Variants in GDF5 observed in about 807,000 individuals in gnomAD.
The protein encoded by GDF5 is growth/differentiation factor 5.
Under a neutral mutation model 34.6 loss-of-function variants are expected in GDF5, and 17 were observed. The ratio of observed to expected loss-of-function variants is 0.49; its 90% CI spans 0.34 to 0.74. The LOEUF (loss-of-function observed/expected upper bound fraction) is 0.74, where lower values mean the gene tolerates loss of function less well. Ranked by LOEUF, GDF5 falls within the 30% of genes least tolerant of loss-of-function variation. GDF5 has a pLI of 0.01. For missense variants in GDF5, 616 were observed against 661.2 expected, an observed-to-expected ratio of 0.93 and a Z score of 0.75; for synonymous variants, 332 against 290.7, an observed-to-expected ratio of 1.14 and a Z score of -1.44.
exon 1 of GDF5, chr20:35,454,669 C>T (rs531646550): frequency 6.6e-6 from 1 of 152,374 alleles, no homozygotes; most frequent in South Asian, 2.1e-4. Flanking sequence ...TGAAGCTTCT[C>T]GGAGCGTCTG....
chr20:35,439,031 C>T (rs186040596), upstream of GDF5, among the ~76,000 whole-genome samples: 1 of 152,056 alleles, frequency 6.6e-6, no homozygotes, highest in East Asian at 1.9e-4. Context: ...CTCCCTACCC[C>T]CAAATGCCAT....
At chr20:35,447,868 A>C (rs1240582753) in intron 1 of GDF5, among the ~76,000 whole-genome samples, 1 of 152,092 alleles carries the variant, frequency 6.6e-6, no homozygotes, top group Non-Finnish European at 1.5e-5. Context: ...TAATCCCAGC[A>C]CTTTGGGAGG....
chr20:35,439,515 C>A (rs1036050598), upstream of GDF5, among the ~76,000 whole-genome samples: 4 of 152,296 alleles, frequency 2.6e-5, 1 homozygote, highest in South Asian at 8.3e-4. Context: ...GCGTGAGCCA[C>A]CGCGCCGGGC....
In GDF5 at chr20:35,434,452, G is replaced by A. The variant is rs574958586; in HGVS notation, c.963C>T (p.Ala321=). Residue 321 remains alanine (A), a synonymous_variant, in exon 2 of 2, where the codon GCC becomes GCT. Coordinates refer to ENST00000374369, the MANE Select transcript of GDF5 (RefSeq NM_000557.5). ...CGAAGCCCAGGCCACGGAGGTCCAC[G>A]GCCCTGCCCCGTTCCCAGGCCTCCA... is the stretch of plus-strand genomic sequence containing the variant. The part of the protein sequence containing the change: ...LELEAWERGR[A]VDLRGLGFDR... 51 of 1,612,922 alleles carry A rather than the reference G, an allele frequency of 3.2e-5. No homozygotes were observed. The highest frequency in any genetic ancestry group is 4.0e-5 in the Non-Finnish European group (47 of 1,179,614).
At chr20:35,437,056 T>C (rs1297172760) in intron 1 of GDF5, among the ~76,000 whole-genome samples, 2 of 152,228 alleles carry the variant, frequency 1.3e-5, no homozygotes. Context: ...CTCTAGGCTT[T>C]AGTGCCCACT....
chr20:35,447,659 T>A (rs2062518205), intron 1 of GDF5, among the ~76,000 whole-genome samples: 1 of 152,178 alleles, frequency 6.6e-6, no homozygotes, highest in East Asian at 1.9e-4. Context: ...AGAAAAGTAA[T>A]ATGAATTCAT....
intron 1 of GDF5, among the ~76,000 whole-genome samples, chr20:35,444,682 C>T (rs1338930032): frequency 6.6e-6 from 1 of 152,164 alleles, no homozygotes; most frequent in Admixed American, 6.5e-5. Flanking sequence ...GCAACTTCCG[C>T]CTTCTGGTTT....
upstream of GDF5, among the ~76,000 whole-genome samples, chr20:35,441,809 T>C (rs1386886005): frequency 6.6e-6 from 1 of 152,138 alleles, no homozygotes; most frequent in Non-Finnish European, 1.5e-5. Context: ...CTGGGTTTTG[T>C]ACTCCATTGC....
intron 1 of GDF5, among the ~76,000 whole-genome samples, chr20:35,443,407 C>T (rs2062504398): frequency 6.6e-6 from 1 of 152,076 alleles, no homozygotes; most frequent in African/African-American, 2.4e-5. Context: ...ATCTCTGCAG[C>T]CCCTTCTGCC....
At chr20:35,452,867 CAGGAATA>C (rs1200424077) in intron 1 of GDF5, among the ~76,000 whole-genome samples, 1 of 152,164 alleles carries the variant, frequency 6.6e-6, no homozygotes, top group Non-Finnish European at 1.5e-5. Flanking sequence ...TGCTAAATCC[CAGGAATA>C]AGTCTCCTAT....
upstream of GDF5, among the ~76,000 whole-genome samples, chr20:35,442,013 G>T (rs1008419032): frequency 1.3e-5 from 2 of 151,966 alleles, no homozygotes; most frequent in African/African-American, 4.8e-5. Flanking sequence ...GCTAATTTTT[G>T]TATTCTTTGT....
At chr20:35,451,074 T>TATATATATATAA (rs2062531254) in intron 1 of GDF5, among the ~76,000 whole-genome samples, 1 of 41,862 alleles carries the variant, frequency 2.4e-5, no homozygotes, top group African/African-American at 2.0e-4. Flanking sequence ...AATATATATA[T>TATATATATATAA]ATATATATAT....
At position 35,433,466 on chromosome 20, in the gene GDF5, C is replaced by CAT. The variant is rs1484891259; in HGVS notation, c.*442_*443insAT. 6 of 329,452 alleles carry CAT rather than the reference C, an allele frequency of 1.8e-5. No homozygotes were observed. The highest frequency in any genetic ancestry group is 1.3e-4 in the African/African-American group (6 of 46,508). The allele number at this position is 329,452 out of a possible 1,614,324, so 20.4% of individuals were successfully genotyped here. On this transcript the variant is annotated 3_prime_UTR_variant, in exon 2 of 2. Transcript: ENST00000374369. The stretch of plus-strand genomic sequence containing the variant: ...CTCTTCTCTCCCACTCTTGCCCAGT[C>CAT]AGCTTCTCAACTGTCCCAGGGACAG...
At position 35,438,129 on chromosome 20, in the gene GDF5, A is replaced by T; in HGVS notation, c.-201T>A. Reference sequence around the variant, plus strand: ...TGTTTGTATCCAGTCCCATAGTGGAAATGCTCTCGTATCCAGACGTGCACC... The same window carrying T: ...TGTTTGTATCCAGTCCCATAGTGGATATGCTCTCGTATCCAGACGTGCACC... On this transcript the variant is annotated 5_prime_UTR_variant, in exon 1 of 2. Transcript: ENST00000374369. 3.2e-6 allele frequency: 2 copies of T among 631,246 alleles called. No homozygotes were observed. Among genetic ancestry groups the T allele is most frequent in the Non-Finnish European group, 2.8e-6 (1 of 356,696 alleles). The allele number at this position is 631,246 out of a possible 1,614,324, so 39.1% of individuals were successfully genotyped here. A position where few individuals can be genotyped will look rare whatever the true frequency, so the allele number is the denominator to read the frequency against.
rs2062453129 is a variant in GDF5, at chr20:35,433,732, A to G, written c.*177T>C. ...AATCCTCAGCCAGGGGAACTTGTGG[A>G]TAAAAGGGGGCCTTTAGCCCAAGTC... is the stretch of plus-strand genomic sequence containing the variant. On this transcript the variant is annotated 3_prime_UTR_variant, in exon 2 of 2. Transcript: ENST00000374369. 1.4e-6 allele frequency: 1 copy of G among 691,274 alleles called. No individual in the cohort carries two copies. The allele number at this position is 691,274 out of a possible 1,614,324, so 42.8% of individuals were successfully genotyped here.
chr20:35,449,532 T>C (rs905914354), intron 1 of GDF5, among the ~76,000 whole-genome samples: 17 of 152,134 alleles, frequency 1.1e-4, no homozygotes, highest in African/African-American at 4.1e-4. Flanking sequence ...TACTACACTG[T>C]GTGTGTGTGA....
intron 1 of GDF5, among the ~76,000 whole-genome samples, chr20:35,444,514 A>T (rs2062508029): frequency 6.6e-6 from 1 of 152,196 alleles, no homozygotes; most frequent in Admixed American, 6.5e-5. Context: ...GGGCAGTGGC[A>T]GGAGGTGAGG....
chr20:35,437,252 G>A, intron 1 of GDF5, 46 bp downstream of exon 1: 1 of 1,333,260 alleles, frequency 7.5e-7, no homozygotes. Context: ...CATTCATGCA[G>A]ATGCCCCTCC....
intron 1 of GDF5, 24 bp downstream of exon 1, chr20:35,437,274 G>A: frequency 6.5e-7 from 1 of 1,532,644 alleles, no homozygotes; most frequent in African/African-American, 1.4e-5. Flanking sequence ...TCTGAGCCGT[G>A]CCCCTGCCAC....
Sources: gnomAD v4.1 joint callset for allele counts (sites outside exome capture counted in the v4.1 genomes callset) on GRCh38, gnomAD v4.1.1 for gene constraint, MANE v1.5 for transcripts, NCBI Gene and HGNC (gene_info 2026-07-23, HGNC 2026-07-21) for gene names.